CD5: variants seen among roughly 807,000 people sequenced by gnomAD.
CD5 encodes T-cell surface glycoprotein CD5.
Under a neutral mutation model 60.3 loss-of-function variants are expected in CD5, and 36 were observed. That is an observed-to-expected ratio of 0.60 (90% CI 0.46 to 0.79). The LOEUF (loss-of-function observed/expected upper bound fraction) is 0.79. Ranked by LOEUF, CD5 falls within the 30% of genes least tolerant of loss-of-function variation. The pLI, the probability that CD5 is intolerant of heterozygous loss-of-function variation, is 0.00. For missense variants in CD5, 540 were observed against 630.6 expected (o/e 0.86, Z 1.54); for synonymous variants, 230 against 257.6 (o/e 0.89, Z 1.03).
upstream of CD5, among the ~76,000 whole-genome samples, chr11:61,101,000 C>A (rs1183915362): frequency 1.4e-4 from 15 of 110,772 alleles, no homozygotes; most frequent in Non-Finnish European, 9.0e-5. Flanking sequence ...GGAGATCACA[C>A]ACACACATCA....
At chr11:61,110,955 C>G (rs1174930306) in intron 1 of CD5, among the ~76,000 whole-genome samples, 1 of 152,174 alleles carries the variant, frequency 6.6e-6, no homozygotes, top group Non-Finnish European at 1.5e-5. Flanking sequence ...TGCTGCTCAT[C>G]TGGGGACCAG....
chr11:61,095,134 G>A, the CD5 span, among the ~76,000 whole-genome samples: 1 of 152,138 alleles, frequency 6.6e-6, no homozygotes, highest in Non-Finnish European at 1.5e-5. Context: ...ATTGGTACCA[G>A]CAGTATCCCC....
intron 2 of CD5, among the ~76,000 whole-genome samples, chr11:61,117,119 T>C (rs1860977960): frequency 6.6e-6 from 1 of 152,276 alleles, no homozygotes; most frequent in African/African-American, 2.4e-5. Flanking sequence ...GGCATGTCCG[T>C]GTAGTGAACT....
upstream of CD5, among the ~76,000 whole-genome samples, chr11:61,101,337 C>T (rs1230708804): frequency 3.7e-5 from 3 of 81,762 alleles, no homozygotes; most frequent in African/African-American, 1.2e-4. Flanking sequence ...ACATGGAGAT[C>T]ACATTCACAC....
At chr11:61,119,048 T>C in intron 4 of CD5, 71 bp downstream of exon 4, 1 of 1,352,400 alleles carries the variant, frequency 7.4e-7, no homozygotes, top group Non-Finnish European at 1.0e-6. Context: ...CCAGTTACAT[T>C]GGAATTTCTG....
intron 1 of CD5, among the ~76,000 whole-genome samples, chr11:61,108,238 C>T (rs1251810006): frequency 2.6e-5 from 4 of 152,138 alleles, no homozygotes; most frequent in Non-Finnish European, 4.4e-5. Context: ...GTATATGGTG[C>T]GAAACTCATG....
chr11:61,099,086 C>A (rs1860621608), upstream of CD5, among the ~76,000 whole-genome samples: 1 of 152,208 alleles, frequency 6.6e-6, no homozygotes, highest in South Asian at 2.1e-4. Context: ...CTTTCCCCTG[C>A]CCCGGGCTTC....
chr11:61,098,215 G>A (rs1860607781), upstream of CD5, among the ~76,000 whole-genome samples: 1 of 152,138 alleles, frequency 6.6e-6, no homozygotes, highest in Non-Finnish European at 1.5e-5. Context: ...CTGCTCCCTT[G>A]TTTGCTACCT....
intron 2 of CD5, among the ~76,000 whole-genome samples, chr11:61,116,554 A>AC (rs1470234095): frequency 6.0e-5 from 4 of 67,034 alleles, no homozygotes; most frequent in African/African-American, 6.0e-5. Context: ...CACACACACC[A>AC]CACACACCAC....
intron 1 of CD5, among the ~76,000 whole-genome samples, chr11:61,107,816 G>C (rs3862668): frequency 6.6e-6 from 1 of 152,148 alleles, no homozygotes. Context: ...TAGGAATAGC[G>C]TAGGAAATGG....
chr11:61,112,600 T>C (rs1590769157), intron 1 of CD5, among the ~76,000 whole-genome samples: 1 of 152,112 alleles, frequency 6.6e-6, no homozygotes, highest in Non-Finnish European at 1.5e-5. Flanking sequence ...GCCAAGATCA[T>C]GCCACTGCAT....
intron 8 of CD5, 80 bp from the exon 9 acceptor site, chr11:61,124,952 T>A (rs1480563129): frequency 1.3e-6 from 2 of 1,578,854 alleles, no homozygotes; most frequent in Non-Finnish European, 1.7e-6. Context: ...GAATAGGAGA[T>A]TAAAGTTCTG....
chr11:61,100,016 C>A (rs1860640684), upstream of CD5, among the ~76,000 whole-genome samples: 3 of 147,746 alleles, frequency 2.0e-5, no homozygotes, highest in Admixed American at 6.8e-5. Flanking sequence ...CACACATCAA[C>A]ATGGAGATCA....
intron 5 of CD5, among the ~76,000 whole-genome samples, chr11:61,120,450 G>A (rs1456518105): frequency 1.3e-5 from 2 of 152,132 alleles, no homozygotes; most frequent in Admixed American, 6.5e-5. Context: ...AGGAGGCTGA[G>A]GTTTAGAGAG....
chr11:61,101,859 G>C (rs1482111814), upstream of CD5, among the ~76,000 whole-genome samples: 6 of 142,626 alleles, frequency 4.2e-5, no homozygotes, highest in South Asian at 4.5e-4. Context: ...ACACAGAGAT[G>C]ACACACACAA....
chr11:61,096,312 C>A, the CD5 span, among the ~76,000 whole-genome samples: 3 of 152,238 alleles, frequency 2.0e-5, no homozygotes, highest in Non-Finnish European at 4.4e-5. Context: ...TTTGTTCAAT[C>A]TGGCTGAAGG....
chr11:61,120,737 G>A (rs1388970710), intron 5 of CD5, among the ~76,000 whole-genome samples: 1 of 152,206 alleles, frequency 6.6e-6, no homozygotes, highest in Admixed American at 6.5e-5. Context: ...GTGTAAATTA[G>A]TAAAATGCTG....
chr11:61,113,893 C>T (rs113913101), intron 1 of CD5, among the ~76,000 whole-genome samples: 8 of 152,318 alleles, frequency 5.3e-5, no homozygotes, highest in African/African-American at 1.7e-4. Flanking sequence ...CAGTCTCAAA[C>T]TCCTGACCTC....
chr11:61,113,472 T>A (rs1860888373), intron 1 of CD5, among the ~76,000 whole-genome samples: 1 of 152,178 alleles, frequency 6.6e-6, no homozygotes, highest in South Asian at 2.1e-4. Context: ...CCGTGTTCCC[T>A]GGGCCTGTCG....
Sources: gnomAD v4.1 joint callset for allele counts (sites outside exome capture counted in the v4.1 genomes callset) on GRCh38, gnomAD v4.1.1 for gene constraint, MANE v1.5 for transcripts, NCBI Gene and HGNC (gene_info 2026-07-23, HGNC 2026-07-21) for gene names.